Variants in CABIN1 observed in about 807,000 individuals in gnomAD.
The protein encoded by CABIN1 is calcineurin binding protein 1.
In CABIN1, 133 loss-of-function variants were observed where a neutral mutation model predicts 227.7. The observed-to-expected ratio is 0.58, with a 90% CI of 0.51 to 0.67. The LOEUF (loss-of-function observed/expected upper bound fraction) is 0.67, where lower values mean the gene tolerates loss of function less well. CABIN1 is among the 30% of genes least tolerant of loss of function. The pLI is 0.00. For missense variants in CABIN1, 2,408 were observed against 2,852.5 expected (o/e 0.84, Z 3.55); for synonymous variants, 1,086 against 1,155.1 (o/e 0.94, Z 1.21).
rs1491432688 is a variant in CABIN1, at chr22:24,064,513, T to TG, written c.2037+326_2037+327insG. On this transcript the variant is annotated intron_variant, in intron 15 of 36. Coordinates refer to ENST00000263119, the MANE Select transcript of CABIN1 (RefSeq NM_012295.4). The stretch of plus-strand genomic sequence containing the variant: ...TGAGCCACTGTGCCCAGCTGAAAGG[T>TG]TTTTTTTTTTTTTTTTTTTTTTATT... Among the ~76,000 whole-genome samples the TG allele has an allele frequency of 1.1e-4, 3 of 26,938 alleles. No homozygotes were observed. In the East Asian group the frequency reaches 7.9e-3, roughly 71 times the overall value. 17.7% of individuals were successfully genotyped at this position (26,938 alleles called of 152,430 possible). A position where few individuals can be genotyped will look rare whatever the true frequency, so the allele number is the denominator to read the frequency against.
rs368746495 is a variant in CABIN1 at position 24,070,967 on chromosome 22, G to A, written c.2400G>A (p.Ala800=). The A allele has an allele frequency of 2.4e-5, 38 of 1,614,210 alleles. No homozygotes were observed. Among genetic ancestry groups the A allele is most frequent in the East Asian group, 8.9e-5 (4 of 44,880 alleles). The change falls in exon 17 of 37, where the codon GCG becomes GCA. Residue 800 remains alanine, a synonymous_variant. Coordinates refer to ENST00000263119, the MANE Select transcript of CABIN1 (RefSeq NM_012295.4). ...LLMGIEQALS[A]DSSGSILKVS... ...TGGGCATCGAGCAGGCCCTCTCTGCGGACAGCAGTGGTAGCATCCTGAAGG... is the reference window on the plus strand; with the variant it reads ...TGGGCATCGAGCAGGCCCTCTCTGCAGACAGCAGTGGTAGCATCCTGAAGG...
chr22:24,152,146 A>C (rs2045522875), intron 29 of CABIN1, among the ~76,000 whole-genome samples: 1 of 152,228 alleles, frequency 6.6e-6, no homozygotes, highest in Non-Finnish European at 1.5e-5. Context: ...AGATGGAGGC[A>C]GCCCCAGACT....
chr22:24,077,273 G>A (rs2146901482), intron 19 of CABIN1, among the ~76,000 whole-genome samples: 1 of 152,270 alleles, frequency 6.6e-6, no homozygotes, highest in East Asian at 1.9e-4. Flanking sequence ...CTGCTCCACT[G>A]AAATTAACTT....
chr22:24,169,608 C>G (rs1040497678), intron 33 of CABIN1, among the ~76,000 whole-genome samples: 4 of 152,158 alleles, frequency 2.6e-5, no homozygotes, highest in African/African-American at 9.7e-5. Flanking sequence ...TTTCATTGTC[C>G]AGCTAGGCAG....
chr22:24,067,797 C>T (rs6004052), intron 16 of CABIN1, among the ~76,000 whole-genome samples: 17,040 of 152,022 alleles, frequency 0.11, 1,080 homozygotes, highest in East Asian at 0.16. Context: ...GCTCAGAGTC[C>T]TGTTGTAGGG....
chr22:24,121,751 T>C (rs1859087918), intron 28 of CABIN1, among the ~76,000 whole-genome samples: 1 of 152,184 alleles, frequency 6.6e-6, no homozygotes, highest in African/African-American at 2.4e-5. Context: ...CACACATCAG[T>C]GGAACGGACA....
intron 27 of CABIN1, among the ~76,000 whole-genome samples, chr22:24,116,261 C>T (rs2043080472): frequency 6.6e-6 from 1 of 152,132 alleles, no homozygotes; most frequent in Non-Finnish European, 1.5e-5. Context: ...GAAAGTTGTC[C>T]ACAGTTTCAT....
At chr22:24,019,069 G>C (rs1464083113) in intron 1 of CABIN1, among the ~76,000 whole-genome samples, 1 of 149,512 alleles carries the variant, frequency 6.7e-6, no homozygotes, top group Non-Finnish European at 1.5e-5. Flanking sequence ...ATATATGAAG[G>C]CTATTGATTT....
chr22:24,022,814 C>T (rs187300469), intron 1 of CABIN1, among the ~76,000 whole-genome samples: 3 of 152,290 alleles, frequency 2.0e-5, no homozygotes, highest in Admixed American at 6.5e-5. Flanking sequence ...TCATATTTCT[C>T]TAATGATGAA....
At chr22:24,060,260 C>CT (rs1238407175) in intron 12 of CABIN1, 119 bp downstream of exon 12, 4 of 1,028,046 alleles carry the variant, frequency 3.9e-6, no homozygotes, top group Non-Finnish European at 5.9e-6. Flanking sequence ...GGCCTGGAAC[C>CT]TGGTTTTTTT....
intron 25 of CABIN1, among the ~76,000 whole-genome samples, 194 bp downstream of exon 25, chr22:24,096,276 G>A (rs1350480585): frequency 6.6e-6 from 1 of 152,168 alleles, no homozygotes; most frequent in Non-Finnish European, 1.5e-5. Context: ...AGAAGGAGAG[G>A]GTGAGTGTGA....
chr22:24,099,495 C>T (rs1287262448), intron 26 of CABIN1, among the ~76,000 whole-genome samples: 2 of 152,174 alleles, frequency 1.3e-5, no homozygotes, highest in Non-Finnish European at 2.9e-5. Context: ...CCTCGCTGCC[C>T]ACCCCAGAGT....
chr22:24,147,342 T>G, intron 29 of CABIN1, among the ~76,000 whole-genome samples: 1 of 113,536 alleles, frequency 8.8e-6, no homozygotes, highest in East Asian at 3.3e-4. Context: ...CCTCCCTCCC[T>G]CCCTGCCTCC....
intron 1 of CABIN1, among the ~76,000 whole-genome samples, chr22:24,017,329 G>A (rs556520123): frequency 5.3e-5 from 8 of 152,094 alleles, no homozygotes; most frequent in African/African-American, 9.7e-5. Flanking sequence ...GAGCCACTGC[G>A]CCTGACCCAA....
At chr22:24,091,508 C>T in intron 23 of CABIN1, 75 bp from the exon 24 acceptor site, 1 of 1,590,508 alleles carries the variant, frequency 6.3e-7, no homozygotes, top group East Asian at 2.2e-5. Flanking sequence ...GTCGGCAGAG[C>T]TTTGTACAGG....
intron 9 of CABIN1, among the ~76,000 whole-genome samples, chr22:24,055,514 T>G (rs1159348436): frequency 2.0e-5 from 3 of 152,264 alleles, no homozygotes; most frequent in Non-Finnish European, 4.4e-5. Flanking sequence ...GGTCCCCTCT[T>G]CTGGTCCTGC....
chr22:24,029,894 A>G (rs896616272), intron 1 of CABIN1, among the ~76,000 whole-genome samples: 23 of 152,208 alleles, frequency 1.5e-4, no homozygotes, highest in African/African-American at 4.8e-4. Context: ...ATTGAAAAGC[A>G]GTGCCCAGCT....
intron 29 of CABIN1, among the ~76,000 whole-genome samples, chr22:24,146,668 T>TA (rs1569281049): frequency 2.6e-5 from 4 of 152,188 alleles, no homozygotes; most frequent in Admixed American, 6.5e-5. Flanking sequence ...GTTAGAATTT[T>TA]TAAAAAAATA....
intron 24 of CABIN1, 52 bp from the exon 25 acceptor site, chr22:24,095,879 C>T: frequency 6.2e-7 from 1 of 1,609,554 alleles, no homozygotes. Flanking sequence ...GCCTGTGGAA[C>T]AAATCTTAGC....
Sources: gnomAD v4.1 joint callset for allele counts (sites outside exome capture counted in the v4.1 genomes callset) on GRCh38, gnomAD v4.1.1 for gene constraint, MANE v1.5 for transcripts, NCBI Gene and HGNC (gene_info 2026-07-23, HGNC 2026-07-21) for gene names.